ATP2C2: variants seen among roughly 807,000 people sequenced by gnomAD.
ATP2C2 encodes the protein ATPase secretory pathway Ca2+ transporting 2.
A neutral mutation model predicts 110.8 loss-of-function variants in ATP2C2; 171 were observed. The observed-to-expected ratio is 1.54, with a 90% CI of 1.36 to 1.75. The LOEUF is 1.75. Among genes scored for constraint, ATP2C2 ranks in the 40% most tolerant of loss-of-function variants. The pLI, the probability that ATP2C2 is intolerant of heterozygous loss-of-function variation, is 0.00. For missense variants in ATP2C2, 1,963 were observed against 1,235.0 expected (o/e 1.59, Z -8.84); for synonymous variants, 804 against 508.4 (o/e 1.58, Z -7.82).
intron 1 of ATP2C2, among the ~76,000 whole-genome samples, chr16:84,375,988 G>A (rs1910227494): frequency 6.6e-6 from 1 of 152,072 alleles, no homozygotes; most frequent in South Asian, 2.1e-4. Flanking sequence ...CTGGGTGGGA[G>A]TGGTACTGTA....
chr16:84,372,573 C>T (rs190861754), intron 1 of ATP2C2, among the ~76,000 whole-genome samples: 7 of 151,828 alleles, frequency 4.6e-5, no homozygotes, highest in East Asian at 2.0e-4. Flanking sequence ...TACAGGCACC[C>T]GCCACCACAC....
At chr16:84,450,737 C>T (rs1189080190) in intron 17 of ATP2C2, among the ~76,000 whole-genome samples, 1 of 152,096 alleles carries the variant, frequency 6.6e-6, no homozygotes, top group African/African-American at 2.4e-5. Flanking sequence ...CTGGGCCTGG[C>T]TTCTGTGCCA....
In ATP2C2 at chr16:84,402,805, G is replaced by A. The variant is rs377365763; in HGVS notation, c.211-2323G>A. On this transcript the variant is annotated intron_variant, in intron 2 of 26. Coordinates refer to ENST00000262429, the MANE Select transcript of ATP2C2 (RefSeq NM_014861.4). ...TTGGTATCAGGGTAATACTGGCCTC[G>A]TAGAATGAAAGTATTCCCTACTCAT... is the stretch of plus-strand genomic sequence containing the variant. Among the ~76,000 whole-genome samples the A allele has an allele frequency of 2.8e-4, 43 of 152,196 alleles. No homozygotes were observed. The East Asian group carries it at 6.2e-3, about 22-fold the overall frequency.
intron 16 of ATP2C2, among the ~76,000 whole-genome samples, chr16:84,448,256 C>T (rs1909939830): frequency 6.7e-6 from 1 of 149,036 alleles, no homozygotes; most frequent in East Asian, 1.9e-4. Context: ...ATACAAGACG[C>T]TCTGAGTGAC....
rs772664871 is a variant in ATP2C2, at chr16:84,408,562, T to C, written c.417+68T>C. ...AGGTCTGCTGAGTCTCTGCTTGTTA[T>C]TGTATATAAAGAAAAAAAAGAGTTT... On this transcript the variant is annotated intron_variant, in intron 4 of 26. Transcript: ENST00000262429. The C allele has an allele frequency of 1.9e-5, 25 of 1,295,362 alleles. 1 individual carries two copies. Among genetic ancestry groups the C allele is most frequent in the Admixed American group, 1.8e-4 (9 of 51,040 alleles). The allele number at this position is 1,295,362 out of a possible 1,614,324, so 80.2% of individuals were successfully genotyped here. A position where few individuals can be genotyped will look rare whatever the true frequency, so the allele number is the denominator to read the frequency against.
chr16:84,383,036 C>T (rs10459853), intron 1 of ATP2C2, among the ~76,000 whole-genome samples: 1 of 152,224 alleles, frequency 6.6e-6, no homozygotes, highest in African/African-American at 2.4e-5. Flanking sequence ...AGTGTGCCTC[C>T]TCTCCCAGGG....
intron 3 of ATP2C2, among the ~76,000 whole-genome samples, chr16:84,407,864 A>G (rs544023565): frequency 3.0e-4 from 45 of 152,344 alleles, no homozygotes; most frequent in Middle Eastern, 3.4e-3. Context: ...AATCCTCTGT[A>G]ACATGAGCTA....
intron 1 of ATP2C2, among the ~76,000 whole-genome samples, chr16:84,383,131 G>A (rs1910681156): frequency 6.6e-6 from 1 of 152,204 alleles, no homozygotes; most frequent in Non-Finnish European, 1.5e-5. Context: ...CTTGGGCACA[G>A]CTCAGTGGCC....
At chr16:84,381,736 A>T (rs1018280074) in intron 1 of ATP2C2, among the ~76,000 whole-genome samples, 4 of 152,098 alleles carry the variant, frequency 2.6e-5, no homozygotes, top group Non-Finnish European at 5.9e-5. Flanking sequence ...AGGCATTCGT[A>T]TTTAACCCGT....
intron 1 of ATP2C2, among the ~76,000 whole-genome samples, chr16:84,389,348 C>G (rs561891353): frequency 2.6e-5 from 4 of 152,346 alleles, no homozygotes; most frequent in African/African-American, 9.6e-5. Context: ...CCATCTCCTT[C>G]GTTGTTAGCT....
intron 1 of ATP2C2, among the ~76,000 whole-genome samples, chr16:84,383,449 A>C (rs893434992): frequency 6.6e-6 from 1 of 152,242 alleles, no homozygotes; most frequent in Non-Finnish European, 1.5e-5. Flanking sequence ...TCTGGTCCGT[A>C]GTATGTGCTC....
chr16:84,460,977 C>T lies in ATP2C2; in HGVS notation c.2481+176C>T, dbSNP rs1168271075. 13 of 957,420 alleles carry T rather than the reference C, an allele frequency of 1.4e-5. No individual in the cohort carries two copies. In the South Asian group the frequency reaches 2.7e-4, roughly 20 times the overall value. The allele number at this position is 957,420 out of a possible 1,614,324, so 59.3% of individuals were successfully genotyped here. A position where few individuals can be genotyped will look rare whatever the true frequency, so the allele number is the denominator to read the frequency against. On this transcript the variant is annotated intron_variant, in intron 24 of 26. Transcript: ENST00000262429. ...TGCATGAGGCAAAGGGACTGGGTGA[C>T]CCTTGAAAGAAGGGAGGTCGCCAGG...
chr16:84,415,635 T>G lies in ATP2C2; in HGVS notation c.624+44T>G, dbSNP rs59959004. 9.5e-4 allele frequency: 1,434 copies of G among 1,516,918 alleles called. 12 individuals carry two copies. The African/African-American group carries it at 0.017, about 18-fold the overall frequency. 94.0% of individuals were successfully genotyped at this position (1,516,918 alleles called of 1,614,324 possible). A position where few individuals can be genotyped will look rare whatever the true frequency, so the allele number is the denominator to read the frequency against. On this transcript the variant is annotated intron_variant, in intron 7 of 26. Coordinates refer to ENST00000262429, the MANE Select transcript of ATP2C2 (RefSeq NM_014861.4). ...TTGTCAATGGGGTATTTGATGGAGC[T>G]GGTCAAGGAGCAGACACTTAGCTAA... is the stretch of plus-strand genomic sequence containing the variant.
rs1157271715 is a variant in ATP2C2 at position 84,412,766 on chromosome 16, T to G, written c.515+2001T>G. Among the ~76,000 whole-genome samples, 3 of 151,994 alleles carry G rather than the reference T, an allele frequency of 2.0e-5. No homozygotes were observed. The East Asian group carries it at 5.8e-4, about 29-fold the overall frequency. On this transcript the variant is annotated intron_variant, in intron 6 of 26. Coordinates refer to ENST00000262429, the MANE Select transcript of ATP2C2 (RefSeq NM_014861.4). ...AGGTCCTGTCAGGCTGATCTGTCTTTCCCGAACATACCTGGCTGCTCAAAG... is the reference window on the plus strand; with the variant it reads ...AGGTCCTGTCAGGCTGATCTGTCTTGCCCGAACATACCTGGCTGCTCAAAG...
At position 84,448,689 on chromosome 16, in the gene ATP2C2, G is replaced by A. The variant is rs754987324; in HGVS notation, c.1660G>A (p.Val554Met). ...GAGGATGGGGTCGCTCGGTTTGCGGGGTCAGTGCCTGTGGTCCCGGCCCAG... is the reference window on the plus strand; with the variant it reads ...GAGGATGGGGTCGCTCGGTTTGCGGAGTCAGTGCCTGTGGTCCCGGCCCAG... ...EKRMGSLGLR[V>M]LALASGPELG... Residue 554 changes from valine (V) to methionine (M), a missense_variant and splice_region_variant, in exon 17 of 27, where the codon GTG becomes ATG. Val to Met is a conservative substitution (Grantham distance 21, BLOSUM62 1). Coordinates refer to ENST00000262429, the MANE Select transcript of ATP2C2 (RefSeq NM_014861.4). The A allele has an allele frequency of 3.1e-6, 5 of 1,610,346 alleles. No individual in the cohort carries two copies. Among genetic ancestry groups the A allele is most frequent in the Non-Finnish European group, 4.2e-6 (5 of 1,177,884 alleles).
chr16:84,376,682 G>A (rs1910268864), intron 1 of ATP2C2, among the ~76,000 whole-genome samples: 1 of 152,212 alleles, frequency 6.6e-6, no homozygotes, highest in Admixed American at 6.5e-5. Flanking sequence ...CCCCATCGGG[G>A]AGGACAGTCA....
chr16:84,425,809 T>G lies in ATP2C2; in HGVS notation c.986+8T>G, dbSNP rs2150549381. 1.2e-6 allele frequency: 2 copies of G among 1,613,824 alleles called. No homozygotes were observed. Among genetic ancestry groups the G allele is most frequent in the African/African-American group, 2.7e-5 (2 of 74,948 alleles). On this transcript the variant is annotated splice_region_variant and intron_variant, in intron 11 of 26. Transcript: ENST00000262429. ...GTTCACGATCGGGGTCAGGTAAGAG[T>G]GCTATGGCCGCCCCTTGCCTTGCCA...
chr16:84,390,372 C>G (rs1463494355), intron 1 of ATP2C2, among the ~76,000 whole-genome samples: 1 of 152,226 alleles, frequency 6.6e-6, no homozygotes, highest in African/African-American at 2.4e-5. Context: ...CCTCGGGAGC[C>G]TCTGGTAGGT....
At chr16:84,451,566 G>A (rs1345897617) in intron 17 of ATP2C2, among the ~76,000 whole-genome samples, 10 of 152,154 alleles carry the variant, frequency 6.6e-5, no homozygotes, top group Admixed American at 5.9e-4. Flanking sequence ...GGCTGCGCAC[G>A]TTGCCTCACA....
Sources: gnomAD v4.1 joint callset for allele counts (sites outside exome capture counted in the v4.1 genomes callset) on GRCh38, gnomAD v4.1.1 for gene constraint, MANE v1.5 for transcripts, NCBI Gene and HGNC (gene_info 2026-07-23, HGNC 2026-07-21) for gene names.